Variants in ERC2 observed in about 807,000 individuals in gnomAD.
The protein encoded by ERC2 is ERC protein 2.
ERC2 carries 42 observed loss-of-function variants against 114.8 expected under a neutral mutation model. The observed-to-expected ratio is 0.37, with a 90% CI of 0.29 to 0.47. The LOEUF (loss-of-function observed/expected upper bound fraction) is 0.47. Ranked by LOEUF, ERC2 falls within the 20% of genes least tolerant of loss-of-function variation. The pLI, the probability that ERC2 is intolerant of heterozygous loss-of-function variation, is 0.99. For synonymous variants in ERC2, 454 were observed against 425.5 expected (o/e 1.07, Z -0.82); for missense variants, 939 against 1,150.7 (o/e 0.82, Z 2.66).
chr3:55,683,624 G>A (rs1255437460), intron 17 of ERC2, among the ~76,000 whole-genome samples, 170 bp downstream of exon 17: 13 of 151,882 alleles, frequency 8.6e-5, no homozygotes, highest in Admixed American at 8.5e-4. Context: ...AGGTAGGATG[G>A]AGGGGGCTCT....
chr3:56,428,049 T>C lies in ERC2; in HGVS notation c.657+6302A>G, dbSNP rs981011198. Among the ~76,000 whole-genome samples, 7 of 152,020 alleles carry C rather than the reference T, an allele frequency of 4.6e-5. No homozygotes were observed. In the South Asian group the frequency reaches 6.2e-4, roughly 13 times the overall value. ...AAGGATCCATGGTTTCTTAGACTTATAGTGGTAGAAAAAAAGGAGCCTGGA... is the reference window on the plus strand; with the variant it reads ...AAGGATCCATGGTTTCTTAGACTTACAGTGGTAGAAAAAAAGGAGCCTGGA... On this transcript the variant is annotated intron_variant, in intron 2 of 17. Transcript: ENST00000288221.
At chr3:56,311,732 A>T (rs1029916195) in intron 2 of ERC2, among the ~76,000 whole-genome samples, 106 of 152,110 alleles carry the variant, frequency 7.0e-4, no homozygotes, top group African/African-American at 2.4e-3. Context: ...CTATCAAACC[A>T]TGTATTTTTA....
At chr3:55,717,450 C>T (rs958339024) in intron 15 of ERC2, among the ~76,000 whole-genome samples, 4 of 152,130 alleles carry the variant, frequency 2.6e-5, no homozygotes, top group African/African-American at 9.7e-5. Context: ...CCTTCTCCTT[C>T]AAGTTTTCTC....
intron 2 of ERC2, among the ~76,000 whole-genome samples, chr3:56,411,375 C>T (rs2060935783): frequency 6.6e-6 from 1 of 151,840 alleles, no homozygotes; most frequent in Non-Finnish European, 1.5e-5. Context: ...CTGCTTTCAG[C>T]TTCTCTTGGA....
At chr3:55,884,579 A>T (rs1375988739) in intron 14 of ERC2, among the ~76,000 whole-genome samples, 1 of 152,120 alleles carries the variant, frequency 6.6e-6, no homozygotes, top group East Asian at 1.9e-4. Context: ...ATGGAAAGAC[A>T]TTTCAGTTCA....
chr3:55,684,480 G>A (rs1374466138), intron 16 of ERC2, among the ~76,000 whole-genome samples: 2 of 152,136 alleles, frequency 1.3e-5, no homozygotes, highest in Non-Finnish European at 1.5e-5. Flanking sequence ...ATGCACTGGC[G>A]ATGGTATGAT....
At chr3:56,197,226 T>C (rs1468865267) in intron 3 of ERC2, among the ~76,000 whole-genome samples, 1 of 152,188 alleles carries the variant, frequency 6.6e-6, no homozygotes, top group East Asian at 1.9e-4. Context: ...GGCAAGTAAC[T>C]TGGCCTCTCT....
chr3:55,537,405 T>A (rs549727838), intron 17 of ERC2, among the ~76,000 whole-genome samples: 1 of 152,166 alleles, frequency 6.6e-6, no homozygotes, highest in African/African-American at 2.4e-5. Flanking sequence ...CTTAACGAAG[T>A]CTGGTCCAAA....
intron 2 of ERC2, among the ~76,000 whole-genome samples, chr3:56,376,856 A>G (rs1362616233): frequency 6.6e-6 from 1 of 152,168 alleles, no homozygotes; most frequent in Non-Finnish European, 1.5e-5. Context: ...TAGAACCAGA[A>G]CAGAGAAAAG....
chr3:55,940,560 T>C (rs1191914744), intron 13 of ERC2, among the ~76,000 whole-genome samples: 3 of 152,258 alleles, frequency 2.0e-5, no homozygotes, highest in Non-Finnish European at 2.9e-5. Flanking sequence ...CTGGTTTACT[T>C]TCAGAAGCTA....
intron 3 of ERC2, among the ~76,000 whole-genome samples, chr3:56,201,620 G>C (rs1452204): frequency 6.6e-6 from 1 of 152,154 alleles, no homozygotes; most frequent in African/African-American, 2.4e-5. Context: ...ATGCAGCCCA[G>C]CCACCAGGGA....
At chr3:55,700,986 G>A (rs1171535178) in intron 15 of ERC2, among the ~76,000 whole-genome samples, 1 of 152,146 alleles carries the variant, frequency 6.6e-6, no homozygotes, top group Non-Finnish European at 1.5e-5. Context: ...GAAGGTCACG[G>A]AGAGTTGAGG....
At chr3:56,304,084 A>G (rs1171624896) in intron 2 of ERC2, among the ~76,000 whole-genome samples, 1 of 152,230 alleles carries the variant, frequency 6.6e-6, no homozygotes, top group Non-Finnish European at 1.5e-5. Context: ...TGACTCTCCA[A>G]AATTATCAAC....
At chr3:55,814,422 T>C (rs892813328) in intron 14 of ERC2, among the ~76,000 whole-genome samples, 9 of 152,252 alleles carry the variant, frequency 5.9e-5, no homozygotes, top group African/African-American at 1.9e-4. Flanking sequence ...CAAGATTTCC[T>C]GCTGCCAACT....
chr3:55,893,723 T>A (rs1183770297), intron 13 of ERC2, among the ~76,000 whole-genome samples: 2 of 152,232 alleles, frequency 1.3e-5, no homozygotes, highest in African/African-American at 4.8e-5. Flanking sequence ...CTCCTAGAGC[T>A]CTATTTTGGA....
chr3:55,875,690 TCA>T (rs71621803), intron 14 of ERC2, among the ~76,000 whole-genome samples: 6,078 of 144,142 alleles, frequency 0.042, 140 homozygotes, highest in East Asian at 0.063. Flanking sequence ...CTAAACTCAT[TCA>T]CACACACACA....
intron 13 of ERC2, among the ~76,000 whole-genome samples, chr3:55,919,063 A>C (rs2149379480): frequency 6.6e-6 from 1 of 152,296 alleles, no homozygotes; most frequent in African/African-American, 2.4e-5. Context: ...TATGGCAACC[A>C]TTACCAAAAA....
intron 17 of ERC2, among the ~76,000 whole-genome samples, chr3:55,664,156 TC>T (rs550607496): frequency 6.6e-6 from 1 of 152,132 alleles, no homozygotes; most frequent in South Asian, 2.1e-4. Flanking sequence ...TTTATTTTTT[TC>T]CCCCCTCTAA....
chr3:56,215,016 C>T (rs1027078096), intron 3 of ERC2, among the ~76,000 whole-genome samples: 1 of 152,104 alleles, frequency 6.6e-6, no homozygotes, highest in African/African-American at 2.4e-5. Flanking sequence ...AAGGAACAAC[C>T]GGTACCAGCC....
Sources: allele counts gnomAD v4.1 joint callset (sites outside exome capture counted in the v4.1 genomes callset), GRCh38; gene constraint gnomAD v4.1.1; transcripts MANE v1.5; gene names NCBI Gene and HGNC (gene_info 2026-07-23, HGNC 2026-07-21).